TANC1: variants seen among roughly 807,000 people sequenced by gnomAD.
TANC1 encodes the protein protein TANC1.
In TANC1, 77 loss-of-function variants were observed where a neutral mutation model predicts 149.7. The ratio of observed to expected loss-of-function variants is 0.51; its 90% confidence interval spans 0.43 to 0.62. The LOEUF (loss-of-function observed/expected upper bound fraction) is 0.62, where lower values mean the gene tolerates loss of function less well. Ranked by LOEUF, TANC1 falls within the 20% of genes least tolerant of loss-of-function variation. TANC1 has a pLI of 0.00. For missense variants in TANC1, 1,985 were observed against 2,321.8 expected (o/e 0.85, Z 2.98); for synonymous variants, 854 against 925.0 (o/e 0.92, Z 1.39).
intron 2 of TANC1, among the ~76,000 whole-genome samples, chr2:159,013,860 A>G (rs879763133): frequency 1.3e-5 from 2 of 152,186 alleles, no homozygotes; most frequent in Admixed American, 6.5e-5. Context: ...TCCCAGATCA[A>G]GCTGTTGGCA....
intron 8 of TANC1, among the ~76,000 whole-genome samples, chr2:159,168,249 G>A (rs754286983): frequency 2.0e-5 from 3 of 151,710 alleles, no homozygotes; most frequent in South Asian, 2.1e-4. Context: ...ATTATTTTGC[G>A]GTAGTTGTTT....
intron 3 of TANC1, among the ~76,000 whole-genome samples, chr2:159,088,635 T>C (rs2045203490): frequency 6.6e-6 from 1 of 152,220 alleles, no homozygotes; most frequent in African/African-American, 2.4e-5. Flanking sequence ...CGGCTTTGAA[T>C]GCGGCCCAAC....
chr2:159,102,251 C>A (rs1370781669), intron 4 of TANC1, among the ~76,000 whole-genome samples: 2 of 151,964 alleles, frequency 1.3e-5, no homozygotes, highest in African/African-American at 4.8e-5. Flanking sequence ...CATTATGTAA[C>A]CCTCTTGTGT....
chr2:159,161,193 A>T (rs1162788403), intron 7 of TANC1, among the ~76,000 whole-genome samples: 1 of 152,094 alleles, frequency 6.6e-6, no homozygotes, highest in Non-Finnish European at 1.5e-5. Context: ...CCTAGTTAGG[A>T]CTCAGATCTT....
intron 4 of TANC1, among the ~76,000 whole-genome samples, chr2:159,134,577 G>C (rs1261444847): frequency 6.6e-6 from 1 of 152,166 alleles, no homozygotes; most frequent in Non-Finnish European, 1.5e-5. Context: ...CCACCTCCTG[G>C]GTTCAAGCGA....
rs530884685 is a variant in TANC1 at position 159,018,074 on chromosome 2, G to A, written c.-16+16885G>A. On this transcript the variant is annotated intron_variant, in intron 2 of 26. Coordinates refer to ENST00000263635, the MANE Select transcript of TANC1 (RefSeq NM_033394.3). ...GTTGTGCAGCATCCCGCAGTTCAAA[G>A]GCAGCCAGTTACATAGTGCTTGGCA... 7.9e-4 allele frequency among the ~76,000 whole-genome samples: 120 copies of A among 152,236 alleles called. 1 individual carries two copies. The highest frequency in any genetic ancestry group is 2.4e-3 in the Admixed American group (36 of 15,272).
At chr2:158,970,390 AG>A (rs1342830204) in intron 1 of TANC1, among the ~76,000 whole-genome samples, 1 of 152,176 alleles carries the variant, frequency 6.6e-6, no homozygotes, top group African/African-American at 2.4e-5. Flanking sequence ...ATCTGCTACT[AG>A]GAAGATTCCA....
chr2:159,153,524 G>A (rs762615550), intron 7 of TANC1, among the ~76,000 whole-genome samples: 43 of 152,222 alleles, frequency 2.8e-4, no homozygotes, highest in Admixed American at 5.2e-4. Flanking sequence ...TGTTGACAGC[G>A]TTCCTCTGTT....
At chr2:159,043,193 T>C (rs1483029291) in intron 2 of TANC1, among the ~76,000 whole-genome samples, 1 of 152,202 alleles carries the variant, frequency 6.6e-6, no homozygotes, top group Non-Finnish European at 1.5e-5. Context: ...TTTGGGATTT[T>C]TGGGGAGGTC....
At chr2:159,010,723 CTTT>C (rs35513612) in intron 2 of TANC1, among the ~76,000 whole-genome samples, 3 of 132,208 alleles carry the variant, frequency 2.3e-5, no homozygotes, top group African/African-American at 2.9e-5. Context: ...GAATGAAAGG[CTTT>C]TTTTTTTTTT....
At chr2:159,065,640 G>GTTTTTTTTTTTT (rs34624412) in intron 2 of TANC1, among the ~76,000 whole-genome samples, 1 of 136,198 alleles carries the variant, frequency 7.3e-6, no homozygotes, top group African/African-American at 2.7e-5. Context: ...ATGCACTATT[G>GTTTTTTTTTTTT]TTTTTTTTTT....
At chr2:159,060,953 A>T (rs1314297932) in intron 2 of TANC1, among the ~76,000 whole-genome samples, 3 of 152,184 alleles carry the variant, frequency 2.0e-5, no homozygotes, top group African/African-American at 7.2e-5. Context: ...CAAATACATA[A>T]TGTAGAGAGG....
At position 159,178,625 on chromosome 2, in the gene TANC1, A is replaced by G. The variant is rs775069688; in HGVS notation, c.1972A>G (p.Ser658Gly). The G allele has an allele frequency of 6.2e-7, 1 of 1,613,674 alleles. No homozygotes were observed. The highest frequency in any genetic ancestry group is 8.5e-7 in the Non-Finnish European group (1 of 1,179,814). The stretch of plus-strand genomic sequence containing the variant: ...CTTCCCAGACAACAAAGACATCCAC[A>G]GTGACCTGCACGCCTACGTCCAGCA... Reference protein sequence around the residue: ...DDFPDNKDIHSDLHAYVQHRV... With the variant: ...DDFPDNKDIHGDLHAYVQHRV... Residue 658 changes from serine (S) to glycine (G), a missense_variant, in exon 14 of 27, where the codon AGT (serine) becomes GGT (glycine). This residue lies in a region of TANC1 where 508 missense variants were observed against 714.2 expected (regional missense o/e 0.71). Transcript: ENST00000263635.
At chr2:159,184,574 A>G (rs2056798687) in intron 14 of TANC1, among the ~76,000 whole-genome samples, 1 of 152,150 alleles carries the variant, frequency 6.6e-6, no homozygotes, top group Non-Finnish European at 1.5e-5. Flanking sequence ...TGGTTGGGAG[A>G]GTGGCTCCCA....
In TANC1 at chr2:159,071,567, G is replaced by A. The variant is rs140020662; in HGVS notation, c.61+5596G>A. ...CACTTTGAATTTCAAGTAGAAGGAA[G>A]CTGTTTGCCTCTAAAGTTTAAAAGC... On this transcript the variant is annotated intron_variant, in intron 3 of 26. Transcript: ENST00000263635. 1.8e-3 allele frequency among the ~76,000 whole-genome samples: 267 copies of A among 152,280 alleles called. 4 individuals carry two copies. In the South Asian group the frequency reaches 0.025, roughly 14 times the overall value.
chr2:159,071,501 G>A lies in TANC1; in HGVS notation c.61+5530G>A, dbSNP rs190809183. ...GGCATTGGATAGTCTCTAAGCCTGTGTGTGTACTGAATTAATCTATTAGCT... is the reference window on the plus strand; with the variant it reads ...GGCATTGGATAGTCTCTAAGCCTGTATGTGTACTGAATTAATCTATTAGCT... On this transcript the variant is annotated intron_variant, in intron 3 of 26. Coordinates refer to ENST00000263635, the MANE Select transcript of TANC1 (RefSeq NM_033394.3). Among the ~76,000 whole-genome samples the A allele has an allele frequency of 4.5e-3, 683 of 152,274 alleles. 5 individuals are homozygous for A. Among genetic ancestry groups the A allele is most frequent in the African/African-American group, 0.015 (637 of 41,554 alleles).
intron 9 of TANC1, among the ~76,000 whole-genome samples, 163 bp downstream of exon 9, chr2:159,169,535 A>G (rs2054960717): frequency 6.6e-6 from 1 of 152,210 alleles, no homozygotes; most frequent in South Asian, 2.1e-4. Flanking sequence ...GGTCATCCTC[A>G]ACAGTTTGGG....
Position 159,187,559 on chromosome 2 carries a change from C to T in TANC1, c.2742+535C>T, listed in dbSNP as rs72951498. 6.9e-3 allele frequency among the ~76,000 whole-genome samples: 1,047 copies of T among 152,176 alleles called. 9 individuals carry two copies. The highest frequency in any genetic ancestry group is 0.011 in the Non-Finnish European group (770 of 68,026). On this transcript the variant is annotated intron_variant, in intron 16 of 26. Coordinates refer to ENST00000263635, the MANE Select transcript of TANC1 (RefSeq NM_033394.3). ...CAGTGGCTTTCATGTCATGATGTTCCACTCAGCTTTTTAAGGTAGATTTTT... is the reference window on the plus strand; with the variant it reads ...CAGTGGCTTTCATGTCATGATGTTCTACTCAGCTTTTTAAGGTAGATTTTT...
At chr2:159,161,934 G>A (rs771042380) in intron 7 of TANC1, among the ~76,000 whole-genome samples, 3 of 152,218 alleles carry the variant, frequency 2.0e-5, no homozygotes, top group Admixed American at 6.5e-5. Context: ...GTGCTGTGCT[G>A]TGCTATTCAG....
Sources: allele counts gnomAD v4.1 joint callset (sites outside exome capture counted in the v4.1 genomes callset), GRCh38; gene constraint gnomAD v4.1.1; regional missense constraint gnomAD v4.1.1; transcripts MANE v1.5; gene names NCBI Gene and HGNC (gene_info 2026-07-23, HGNC 2026-07-21).